Variants in PXDN observed in about 807,000 individuals in gnomAD.
PXDN encodes peroxidasin.
PXDN carries 77 observed loss-of-function variants against 140.3 expected under a neutral mutation model. That is an observed-to-expected ratio of 0.55 (90% CI 0.46 to 0.66). The LOEUF (loss-of-function observed/expected upper bound fraction) is 0.66. PXDN is among the 30% of genes least tolerant of loss of function. The probability of loss-of-function intolerance (pLI) is 0.00; values close to 1 mark genes in which losing one functional copy is unlikely to be tolerated. For synonymous variants in PXDN, 911 were observed against 857.4 expected (o/e 1.06, Z -1.09); for missense variants, 1,838 against 2,039.5 (o/e 0.90, Z 1.90).
intron 14 of PXDN, among the ~76,000 whole-genome samples, chr2:1,655,411 ATACACACACATCACATTG>A (rs1683108775): frequency 6.6e-6 from 1 of 151,194 alleles, no homozygotes; most frequent in Admixed American, 6.6e-5. Context: ...ACATCACATT[ATACACACACATCACATTG>A]TACACACAAA....
At chr2:1,731,017 G>A (rs1044179776) in intron 1 of PXDN, among the ~76,000 whole-genome samples, 2 of 152,138 alleles carry the variant, frequency 1.3e-5, no homozygotes, top group Admixed American at 1.3e-4. Context: ...TGGGTTGGGA[G>A]GTGGTAAAAT....
rs149165993 is a variant in PXDN at position 1,685,738 on chromosome 2, C to CA, written c.417-1588dup. Among the ~76,000 whole-genome samples, 43,863 of 151,700 alleles carry CA rather than the reference C, an allele frequency of 0.29. 7,271 individuals are homozygous for CA. The highest frequency in any genetic ancestry group is 0.45 in the African/African-American group (18,767 of 41,324). ...TGGGTGGGACTTGGCACCTGCTGCA[C>CA]AGGTGCTACGGGAAATGACGGCCCA... On this transcript the variant is annotated intron_variant, in intron 4 of 22. Transcript: ENST00000252804. This position sits in a 1 kb window ranked among gnomAD's most constrained non-coding sequence, Gnocchi z 5.1.
intron 1 of PXDN, among the ~76,000 whole-genome samples, chr2:1,695,279 G>A (rs1281303868): frequency 1.3e-5 from 2 of 152,198 alleles, no homozygotes; most frequent in African/African-American, 2.4e-5. Context: ...GTGAAGGACA[G>A]AGAGGTGCTG....
rs748030944 is a variant in PXDN, at chr2:1,680,292, C to T, written c.631G>A (p.Ala211Thr). 2.0e-5 allele frequency: 32 copies of T among 1,613,874 alleles called. 1 individual carries two copies. In the South Asian group the frequency reaches 2.2e-4, roughly 11 times the overall value. Residue 211 changes from alanine (A) to threonine (T), a missense_variant, in exon 7 of 23, where the codon GCG becomes ACG. Around this residue, in one of 5 missense-constraint regions of PXDN, gnomAD observed 208 missense variants for 325.8 expected, o/e 0.64. Transcript: ENST00000252804. The part of the protein sequence containing the change: ...LWLADLLKTY[A>T]ESGNAQAAAI... ...GCTGCCTGCGCGTTCCCCGACTCCG[C>T]GTAGGTTTTCAGCAAATCCGCCAAC...
At chr2:1,715,541 T>C (rs1276091512) in intron 1 of PXDN, among the ~76,000 whole-genome samples, 1 of 152,128 alleles carries the variant, frequency 6.6e-6, no homozygotes, top group Non-Finnish European at 1.5e-5. Flanking sequence ...ATCTTCTAAC[T>C]CAAGGAACAC....
chr2:1,710,688 TATGAACA>T (rs1684739831), intron 1 of PXDN, among the ~76,000 whole-genome samples: 2 of 117,196 alleles, frequency 1.7e-5, no homozygotes, highest in Non-Finnish European at 3.5e-5. Context: ...GCACCCACTC[TATGAACA>T]CCCACTCTCC....
Position 1,634,303 on chromosome 2 carries a change from G to T in PXDN, c.4341C>A (p.Phe1447Leu). The change falls in exon 23 of 23, where the codon TTC becomes TTA. Residue 1447 changes from phenylalanine to leucine, a missense_variant. Coordinates refer to ENST00000252804, the MANE Select transcript of PXDN (RefSeq NM_012293.3). ...AGGTGGCAGGGGGGCAAGCTTCCAC[G>T]AAGCAGGTGACCTGCCCGTCCTGGA... ...CECKDGQVTC[F>L]VEACPPATCA... 1.3e-6 allele frequency: 2 copies of T among 1,596,084 alleles called. No individual in the cohort carries two copies. Among genetic ancestry groups the T allele is most frequent in the Non-Finnish European group, 1.7e-6 (2 of 1,171,244 alleles).
At chr2:1,704,492 T>G (rs1572175540) in intron 1 of PXDN, among the ~76,000 whole-genome samples, 4 of 37,668 alleles carry the variant, frequency 1.1e-4, no homozygotes, top group Non-Finnish European at 1.3e-4. Flanking sequence ...CAACTCCAGG[T>G]GAAGGAGGGC....
chr2:1,646,896 TTTTA>T (rs2125409190), intron 17 of PXDN, among the ~76,000 whole-genome samples: 1 of 152,284 alleles, frequency 6.6e-6, no homozygotes, highest in South Asian at 2.1e-4. Flanking sequence ...ATTATTTTAT[TTTTA>T]TTTATTATTA....
At chr2:1,638,129 C>G (rs1682618790) in intron 21 of PXDN, among the ~76,000 whole-genome samples, 1 of 152,144 alleles carries the variant, frequency 6.6e-6, no homozygotes. Flanking sequence ...AGGAAAGGAG[C>G]TGTGCTTACA....
chr2:1,720,691 C>CTCTCTGCATCTCTT lies in PXDN; in HGVS notation c.200+23564_200+23565insAAGAGATGCAGAGA, dbSNP rs1558526195. ...TCTTTCTCTCTGCATCTCTTTCTCT[C>CTCTCTGCATCTCTT]TCTCTCTGCATCTCTTTCTCTCTCT... On this transcript the variant is annotated intron_variant, in intron 1 of 22. Coordinates refer to ENST00000252804, the MANE Select transcript of PXDN (RefSeq NM_012293.3). Among the ~76,000 whole-genome samples the CTCTCTGCATCTCTT allele has an allele frequency of 3.6e-3, 176 of 49,068 alleles. 2 individuals are homozygous for CTCTCTGCATCTCTT. Among genetic ancestry groups the CTCTCTGCATCTCTT allele is most frequent in the African/African-American group, 0.015 (156 of 10,382 alleles). 32.2% of individuals were successfully genotyped at this position (49,068 alleles called of 152,430 possible). A position where few individuals can be genotyped will look rare whatever the true frequency, so the allele number is the denominator to read the frequency against.
intron 7 of PXDN, 106 bp downstream of exon 7, chr2:1,680,087 G>T: frequency 1.5e-6 from 2 of 1,323,766 alleles, no homozygotes; most frequent in Non-Finnish European, 1.0e-6. Context: ...GTGTAAATGT[G>T]TGTGTGTGGT....
Position 1,714,334 on chromosome 2 carries a change from C to T in PXDN, c.201-21200G>A, listed in dbSNP as rs1431678422. 2.0e-5 allele frequency among the ~76,000 whole-genome samples: 3 copies of T among 152,154 alleles called. No homozygotes were observed. Among genetic ancestry groups the T allele is most frequent in the Non-Finnish European group, 2.9e-5 (2 of 68,044 alleles). Reference sequence around the variant, plus strand: ...AAGGTTCCCCTGTCCCCCGATGGTCCGGCACCCTGGCCCACTCGCTCCCAT... The same window carrying T: ...AAGGTTCCCCTGTCCCCCGATGGTCTGGCACCCTGGCCCACTCGCTCCCAT... On this transcript the variant is annotated intron_variant, in intron 1 of 22. Transcript: ENST00000252804. The surrounding 1 kb of genome is among the most constrained non-coding windows in gnomAD (Gnocchi z 4.3).
intron 1 of PXDN, among the ~76,000 whole-genome samples, chr2:1,694,252 G>A (rs975780588): frequency 1.3e-5 from 2 of 152,142 alleles, no homozygotes; most frequent in Non-Finnish European, 2.9e-5. Context: ...CATAGGTAAG[G>A]TCAGGACATT....
At chr2:1,698,844 C>A (rs535168724) in intron 1 of PXDN, among the ~76,000 whole-genome samples, 2 of 152,312 alleles carry the variant, frequency 1.3e-5, no homozygotes, top group African/African-American at 4.8e-5. Context: ...AACTATTAAG[C>A]ATGAACTATG....
chr2:1,670,239 A>G (rs914635915), intron 9 of PXDN, among the ~76,000 whole-genome samples: 1 of 152,226 alleles, frequency 6.6e-6, no homozygotes, highest in Non-Finnish European at 1.5e-5. Flanking sequence ...AACTCACTCC[A>G]AAAGAGAACT....
At chr2:1,659,684 G>A (rs1314354813) in intron 14 of PXDN, among the ~76,000 whole-genome samples, 2 of 152,012 alleles carry the variant, frequency 1.3e-5, no homozygotes, top group East Asian at 1.9e-4. Context: ...ATAATCTACT[G>A]GTTTTTAAGT....
At chr2:1,727,698 C>A (rs1685221244) in intron 1 of PXDN, among the ~76,000 whole-genome samples, 2 of 152,226 alleles carry the variant, frequency 1.3e-5, no homozygotes, top group African/African-American at 4.8e-5. Context: ...GCCCACCAGA[C>A]CCCCTGTGAG....
intron 19 of PXDN, among the ~76,000 whole-genome samples, chr2:1,642,340 A>C (rs1450119848): frequency 6.6e-6 from 1 of 152,338 alleles, no homozygotes; most frequent in East Asian, 1.9e-4. Context: ...TTCAACGCTT[A>C]CTAAATTAAA....
Sources: gnomAD v4.1 joint callset for allele counts (sites outside exome capture counted in the v4.1 genomes callset) on GRCh38, gnomAD v4.1.1 for gene constraint, gnomAD v4.1.1 regional missense constraint, Gnocchi (gnomAD v3.1) non-coding constraint, MANE v1.5 for transcripts, NCBI Gene and HGNC (gene_info 2026-07-23, HGNC 2026-07-21) for gene names.